The following TTLL5 variants were observed in gnomAD, a reference collection of about 807,000 sequenced individuals.
TTLL5 encodes tubulin tyrosine ligase like 5.
Under a neutral mutation model 168.4 loss-of-function variants are expected in TTLL5, and 132 were observed. That is an observed-to-expected ratio of 0.78 (90% CI 0.68 to 0.91). TTLL5 has a LOEUF of 0.91. Among genes scored for constraint, TTLL5 ranks in the 40% least tolerant of loss-of-function variants. TTLL5 has a pLI of 0.00. For missense variants in TTLL5, 1,545 were observed against 1,581.5 expected (o/e 0.98, Z 0.39); for synonymous variants, 546 against 558.6 (o/e 0.98, Z 0.32).
chr14:75,883,492 T>C (rs946990792), intron 30 of TTLL5, among the ~76,000 whole-genome samples: 1 of 152,192 alleles, frequency 6.6e-6, no homozygotes, highest in Non-Finnish European at 1.5e-5. Flanking sequence ...TAGAGATGTC[T>C]GGAAGAGGCA....
At chr14:75,833,469 G>T (rs997884902) in intron 28 of TTLL5, among the ~76,000 whole-genome samples, 5 of 152,140 alleles carry the variant, frequency 3.3e-5, no homozygotes, top group African/African-American at 1.2e-4. Context: ...ATGTTTGAAA[G>T]CATGTAGTTA....
chr14:75,950,931 G>A (rs2034942563), intron 31 of TTLL5, among the ~76,000 whole-genome samples: 1 of 151,904 alleles, frequency 6.6e-6, no homozygotes, highest in Admixed American at 6.6e-5. Context: ...TTATGCCACT[G>A]CACTCCAGCC....
At chr14:75,807,333 A>G (rs1232430036) in intron 27 of TTLL5, among the ~76,000 whole-genome samples, 1 of 152,160 alleles carries the variant, frequency 6.6e-6, no homozygotes, top group Non-Finnish European at 1.5e-5. Flanking sequence ...CTGTAGTCCC[A>G]GCTACTCTGG....
chr14:75,914,033 A>AAAAAAAAAAAAAAAAATATATAT lies in TTLL5; in HGVS notation c.3823+11810_3823+11811insAAAAAAAAAAAAAAATATATATA. 3.5e-4 allele frequency among the ~76,000 whole-genome samples: 25 copies of AAAAAAAAAAAAAAAAATATATAT among 71,040 alleles called. 1 individual carries two copies. Among genetic ancestry groups the AAAAAAAAAAAAAAAAATATATAT allele is most frequent in the Non-Finnish European group, 4.6e-4 (22 of 48,212 alleles). 46.6% of individuals were successfully genotyped at this position (71,040 alleles called of 152,430 possible). On this transcript the variant is annotated intron_variant, in intron 31 of 31. Coordinates refer to ENST00000298832, the MANE Select transcript of TTLL5 (RefSeq NM_015072.5). ...GTTTAAAAGGAAAAAAAAAAAAAAA[A>AAAAAAAAAAAAAAAAATATATAT]ATATATATATATATATATATATTTT...
intron 28 of TTLL5, among the ~76,000 whole-genome samples, chr14:75,856,366 A>C (rs1204218141): frequency 6.6e-6 from 1 of 152,218 alleles, no homozygotes; most frequent in Admixed American, 6.5e-5. Context: ...ACTCCATCTC[A>C]ATAATAATAT....
chr14:75,731,584 TA>T (rs1355889478), intron 12 of TTLL5, among the ~76,000 whole-genome samples: 2 of 152,126 alleles, frequency 1.3e-5, no homozygotes, highest in Non-Finnish European at 2.9e-5. Context: ...GTTGGGAAGG[TA>T]GAGAAAGAGA....
chr14:75,870,149 T>C (rs1006520502), intron 29 of TTLL5, among the ~76,000 whole-genome samples: 1 of 152,092 alleles, frequency 6.6e-6, no homozygotes. Context: ...GATGAAACTA[T>C]GTTTGAAAAG....
Position 75,814,198 on chromosome 14 carries a change from A to G in TTLL5, c.3172-5809A>G, listed in dbSNP as rs116731175. On this transcript the variant is annotated intron_variant, in intron 27 of 31. Coordinates refer to ENST00000298832, the MANE Select transcript of TTLL5 (RefSeq NM_015072.5). ...TGGTCCCAAGTATTTCTGTTAAGGG[A>G]CAGTTAACCTGTACTACTAACAAAA... 5.0e-3 allele frequency among the ~76,000 whole-genome samples: 769 copies of G among 152,328 alleles called. 12 individuals carry two copies. The highest frequency in any genetic ancestry group is 0.017 in the African/African-American group (717 of 41,570).
chr14:75,881,648 A>G (rs886403201), intron 29 of TTLL5, among the ~76,000 whole-genome samples: 1 of 152,226 alleles, frequency 6.6e-6, no homozygotes, highest in African/African-American at 2.4e-5. Context: ...CCTCACCATG[A>G]GTCCTTTACA....
intron 27 of TTLL5, among the ~76,000 whole-genome samples, chr14:75,817,830 C>CTTTTTTTTTTTTTTTTTTTTTTT (rs1045988787): frequency 9.3e-4 from 78 of 83,864 alleles, no homozygotes; most frequent in Non-Finnish European, 1.1e-3. Flanking sequence ...CTTTTCTTTT[C>CTTTTTTTTTTTTTTTTTTTTTTT]TTTTTTTTTT....
chr14:75,920,557 G>A (rs537542900), intron 31 of TTLL5, among the ~76,000 whole-genome samples: 11 of 152,280 alleles, frequency 7.2e-5, no homozygotes, highest in African/African-American at 2.2e-4. Flanking sequence ...CTTCATCCAT[G>A]TCCCTGCAAA....
At chr14:75,674,245 T>C (rs974484691) in intron 3 of TTLL5, among the ~76,000 whole-genome samples, 3 of 152,208 alleles carry the variant, frequency 2.0e-5, no homozygotes, top group African/African-American at 4.8e-5. Flanking sequence ...GGCTTAATAA[T>C]TTTCTTCACC....
chr14:75,891,866 A>C (rs1810046496), intron 30 of TTLL5, among the ~76,000 whole-genome samples: 1 of 152,214 alleles, frequency 6.6e-6, no homozygotes, highest in South Asian at 2.1e-4. Flanking sequence ...ATTATCTATA[A>C]AATATCACTT....
chr14:75,738,124 C>T (rs1889022319), intron 15 of TTLL5, among the ~76,000 whole-genome samples: 1 of 152,114 alleles, frequency 6.6e-6, no homozygotes, highest in Non-Finnish European at 1.5e-5. Flanking sequence ...CAGATGCTAC[C>T]TTTGAAATAC....
rs766217421 is a variant in TTLL5 at position 75,683,536 on chromosome 14, C to G, written c.265-14C>G. The G allele has an allele frequency of 3.7e-6, 6 of 1,602,438 alleles. No individual in the cohort carries two copies. Among genetic ancestry groups the G allele is most frequent in the Non-Finnish European group, 5.1e-6 (6 of 1,170,956 alleles). On this transcript the variant is annotated splice_polypyrimidine_tract_variant and intron_variant, in intron 4 of 31. Transcript: ENST00000298832. ...GATGTTTTTTTGCCTTCTTGTCTTTCTGTCTGCCCTCAGGTTCACCCAAGC... is the reference window on the plus strand; with the variant it reads ...GATGTTTTTTTGCCTTCTTGTCTTTGTGTCTGCCCTCAGGTTCACCCAAGC...
At chr14:75,859,912 C>A (rs1252588235) in intron 28 of TTLL5, among the ~76,000 whole-genome samples, 3 of 152,082 alleles carry the variant, frequency 2.0e-5, no homozygotes, top group African/African-American at 7.2e-5. Context: ...TGAGTGACAC[C>A]CACTGTAACT....
chr14:75,762,106 A>G (rs77587487), intron 18 of TTLL5, among the ~76,000 whole-genome samples: 2 of 152,066 alleles, frequency 1.3e-5, no homozygotes, highest in Non-Finnish European at 2.9e-5. Context: ...TAAAAAAAAA[A>G]TGTTGGGGGC....
rs1566600879 is a variant in TTLL5, at chr14:75,779,695, A to G, written c.2508A>G (p.Ala836=). 1.2e-6 allele frequency: 2 copies of G among 1,611,104 alleles called. No individual in the cohort carries two copies. Among genetic ancestry groups the G allele is most frequent in the South Asian group, 1.1e-5 (1 of 90,432 alleles). Residue 836 remains alanine, a synonymous_variant, in exon 24 of 32, where the codon GCA becomes GCG. Coordinates refer to ENST00000298832, the MANE Select transcript of TTLL5 (RefSeq NM_015072.5). ...ACAACAATTATTCTGATAGTGGGGCAAAAGGTGGTAAGTATACTGGTTAAT... is the reference window on the plus strand; with the variant it reads ...ACAACAATTATTCTGATAGTGGGGCGAAAGGTGGTAAGTATACTGGTTAAT... ...KNNNNYSDSG[A]KGDHPETIME...
intron 17 of TTLL5, among the ~76,000 whole-genome samples, chr14:75,747,150 G>A (rs1889666740): frequency 6.6e-6 from 1 of 151,534 alleles, no homozygotes; most frequent in African/African-American, 2.4e-5. Flanking sequence ...ATTTGGGATG[G>A]TTTTGTATTT....
Sources: gnomAD v4.1 joint callset for allele counts (sites outside exome capture counted in the v4.1 genomes callset) on GRCh38, gnomAD v4.1.1 for gene constraint, MANE v1.5 for transcripts, NCBI Gene and HGNC (gene_info 2026-07-23, HGNC 2026-07-21) for gene names.